NUP42: variants seen among roughly 807,000 people sequenced by gnomAD.
NUP42 encodes the protein nucleoporin NUP42.
NUP42 carries 47 observed loss-of-function variants against 35.9 expected under a neutral mutation model. The ratio of observed to expected loss-of-function variants is 1.31; its 90% CI spans 1.04 to 1.67. NUP42 has a LOEUF of 1.67. Among genes scored for constraint, NUP42 ranks in the 40% most tolerant of loss-of-function variants. The pLI is 0.00. For missense variants in NUP42, 514 were observed against 492.2 expected, an observed-to-expected ratio of 1.04 and a Z score of -0.42; for synonymous variants, 173 against 173.3, an observed-to-expected ratio of 1.00 and a Z score of 0.01.
chr7:23,182,240 G>A (rs781344759), intron 1 of NUP42, 34 bp downstream of exon 1: 2 of 1,570,564 alleles, frequency 1.3e-6, no homozygotes, highest in Admixed American at 3.7e-5. Flanking sequence ...CGGTAACCGA[G>A]CCGGGAAGGG....
chr7:23,192,569 AG>A (rs1344745233), intron 3 of NUP42, among the ~76,000 whole-genome samples: 133 of 151,920 alleles, frequency 8.8e-4, no homozygotes, highest in African/African-American at 3.2e-3. Context: ...AAAAAGAAAA[AG>A]AAAATCATAA....
Position 23,182,079 on chromosome 7 carries a change from C to A in NUP42, c.-7C>A, listed in dbSNP as rs780883616. 1.9e-6 allele frequency: 3 copies of A among 1,613,678 alleles called. No individual in the cohort carries two copies. The highest frequency in any genetic ancestry group is 2.2e-5 in the East Asian group (1 of 44,888). ...TGAAGACGCCCTCCGTCAGCGACGC[C>A]GTCGCAATGGCCATTTGTCAATTCT... is the stretch of plus-strand genomic sequence containing the variant. On this transcript the variant is annotated 5_prime_UTR_variant, in exon 1 of 7. Transcript: ENST00000258742.
At chr7:23,191,952 T>C (rs1280636200) in intron 3 of NUP42, among the ~76,000 whole-genome samples, 3 of 151,908 alleles carry the variant, frequency 2.0e-5, no homozygotes, top group African/African-American at 7.3e-5. Flanking sequence ...AATGAGACTG[T>C]GTCTCAAAAA....
chr7:23,197,279 T>C, intron 5 of NUP42: 3 of 1,032,388 alleles, frequency 2.9e-6, no homozygotes, highest in Non-Finnish European at 4.0e-6. Context: ...CTACACCCAT[T>C]AAAAAGTTCT....
intron 5 of NUP42, chr7:23,197,244 C>T (rs1786045674): frequency 3.9e-6 from 5 of 1,288,004 alleles, no homozygotes; most frequent in Non-Finnish European, 4.1e-6. Context: ...AGTTCATTAT[C>T]TTTGTAAATA....
intron 3 of NUP42, among the ~76,000 whole-genome samples, chr7:23,192,042 T>C (rs1375382244): frequency 2.0e-5 from 3 of 152,150 alleles, no homozygotes; most frequent in Admixed American, 2.0e-4. Flanking sequence ...TAACCTGATA[T>C]CACAGAGGTA....
intron 3 of NUP42, among the ~76,000 whole-genome samples, chr7:23,190,869 A>C (rs929266442): frequency 6.6e-6 from 1 of 152,346 alleles, no homozygotes; most frequent in African/African-American, 2.4e-5. Flanking sequence ...TTATCACTCA[A>C]ATCATTTTCT....
chr7:23,194,958 A>AGG, intron 3 of NUP42: 2 of 148,380 alleles, frequency 1.3e-5, no homozygotes, highest in Non-Finnish European at 3.0e-5. Context: ...AAAGTGCTGC[A>AGG]ACTACAGGCG....
intron 3 of NUP42, among the ~76,000 whole-genome samples, chr7:23,193,103 A>G (rs1785864072): frequency 1.4e-5 from 2 of 146,172 alleles, no homozygotes; most frequent in South Asian, 2.2e-4. Flanking sequence ...TGTTCCTCCC[A>G]GTGGGTTCGT....
At position 23,200,961 on chromosome 7, in the gene NUP42, A is replaced by G. The variant is rs746364290; in HGVS notation, c.*216A>G. 1.1e-4 allele frequency: 33 copies of G among 304,208 alleles called. No homozygotes were observed. Among genetic ancestry groups the G allele is most frequent in the Non-Finnish European group, 1.7e-4 (28 of 168,064 alleles). 18.8% of individuals were successfully genotyped at this position (304,208 alleles called of 1,614,324 possible). On this transcript the variant is annotated 3_prime_UTR_variant, in exon 7 of 7. Transcript: ENST00000258742. ...GAATTTTTTTGTACTGTAATTTTGA[A>G]TGGAACTGAAAAATTATGCACGAAT...
chr7:23,182,552 T>G, intron 1 of NUP42: 1 of 1,014,556 alleles, frequency 9.9e-7, no homozygotes, highest in Non-Finnish European at 1.2e-6. Context: ...GGCTAGCAGC[T>G]TGGGTCAGAA....
intron 3 of NUP42, among the ~76,000 whole-genome samples, chr7:23,192,152 G>A (rs770691838): frequency 2.6e-5 from 4 of 152,060 alleles, no homozygotes; most frequent in South Asian, 2.1e-4. Context: ...AAAGTTTAGC[G>A]GCACTGATCC....
At chr7:23,184,111 G>A (rs59465333) in intron 1 of NUP42, among the ~76,000 whole-genome samples, 2,798 of 152,202 alleles carry the variant, frequency 0.018, 77 homozygotes, top group African/African-American at 0.064. Context: ...AAAGAGAGGA[G>A]AGAATCTTTT....
rs572022842 is a variant in NUP42, at chr7:23,195,622, A to C, written c.446-217A>C. 94 of 407,010 alleles carry C rather than the reference A, an allele frequency of 2.3e-4. No individual in the cohort carries two copies. In the South Asian group the frequency reaches 3.8e-3, roughly 17 times the overall value. 25.2% of individuals were successfully genotyped at this position (407,010 alleles called of 1,614,324 possible). The stretch of plus-strand genomic sequence containing the variant: ...TTCATTCTACGCCACTTATCTTTAG[A>C]AAATCTTCCCCATTTAAAGATCAGA... On this transcript the variant is annotated intron_variant, in intron 3 of 6. Transcript: ENST00000258742.
intron 1 of NUP42, 112 bp from the exon 2 acceptor site, chr7:23,184,958 A>G: frequency 1.2e-6 from 1 of 842,338 alleles, no homozygotes; most frequent in Non-Finnish European, 1.8e-6. Context: ...GTGAGCCAAG[A>G]TCATGCCACT....
At chr7:23,189,070 C>T (rs947501439) in intron 3 of NUP42, among the ~76,000 whole-genome samples, 3 of 152,164 alleles carry the variant, frequency 2.0e-5, no homozygotes, top group African/African-American at 4.8e-5. Context: ...CTGCCCCATG[C>T]CCAAGTGTGA....
chr7:23,189,245 C>T (rs143567008), intron 3 of NUP42, among the ~76,000 whole-genome samples: 17 of 152,300 alleles, frequency 1.1e-4, no homozygotes, highest in African/African-American at 2.9e-4. Flanking sequence ...ATTGAAATTA[C>T]GGAAAACTTT....
Position 23,182,224 on chromosome 7 carries a change from C to G in NUP42, c.121+18C>G, listed in dbSNP as rs749986206. The G allele has an allele frequency of 6.3e-7, 1 of 1,593,536 alleles. No homozygotes were observed. Among genetic ancestry groups the G allele is most frequent in the Non-Finnish European group, 8.5e-7 (1 of 1,169,960 alleles). Reference sequence around the variant, plus strand: ...GCCTTCAGGTGACTCTCCTCTGAATCCTCCGCGGTAACCGAGCCGGGAAGG... The same window carrying G: ...GCCTTCAGGTGACTCTCCTCTGAATGCTCCGCGGTAACCGAGCCGGGAAGG... On this transcript the variant is annotated intron_variant, in intron 1 of 6. Transcript: ENST00000258742.
intron 5 of NUP42, among the ~76,000 whole-genome samples, chr7:23,198,603 G>GTAGGATTAAGAT (rs1786099947): frequency 6.6e-6 from 1 of 152,216 alleles, no homozygotes; most frequent in Non-Finnish European, 1.5e-5. Flanking sequence ...CAAATACAAA[G>GTAGGATTAAGAT]TTCCTTGAAA....
Sources: gnomAD v4.1 joint callset for allele counts (sites outside exome capture counted in the v4.1 genomes callset) on GRCh38, gnomAD v4.1.1 for gene constraint, MANE v1.5 for transcripts, NCBI Gene and HGNC (gene_info 2026-07-23, HGNC 2026-07-21) for gene names.